NXPH2: variants seen among roughly 807,000 people sequenced by gnomAD.
NXPH2 encodes the protein neurexophilin 2.
A neutral mutation model predicts 19.8 loss-of-function variants in NXPH2; 5 were observed. That is an observed-to-expected ratio of 0.25 (90% CI 0.13 to 0.53). NXPH2 has a LOEUF of 0.53. Among genes scored for constraint, NXPH2 ranks in the 20% least tolerant of loss-of-function variants. The pLI is 0.96. For missense variants in NXPH2, 289 were observed against 322.8 expected, an observed-to-expected ratio of 0.90 and a Z score of 0.80; for synonymous variants, 154 against 127.4, an observed-to-expected ratio of 1.21 and a Z score of -1.41.
chr2:138,732,395 A>G (rs1405216699), intron 1 of NXPH2, among the ~76,000 whole-genome samples: 3 of 152,174 alleles, frequency 2.0e-5, no homozygotes, highest in Non-Finnish European at 4.4e-5. Flanking sequence ...AGGCACCAGC[A>G]TGGTTAGGTA....
intron 1 of NXPH2, among the ~76,000 whole-genome samples, chr2:138,682,788 T>C (rs1318634652): frequency 6.6e-6 from 1 of 152,220 alleles, no homozygotes; most frequent in Non-Finnish European, 1.5e-5. Context: ...AGGTTAAATA[T>C]GGCAATTCTT....
At chr2:138,687,647 T>G (rs1680681819) in intron 1 of NXPH2, among the ~76,000 whole-genome samples, 1 of 152,228 alleles carries the variant, frequency 6.6e-6, no homozygotes, top group South Asian at 2.1e-4. Flanking sequence ...ACTCTAGGTT[T>G]TCTTATAGGG....
At chr2:138,765,986 A>G (rs1682083225) in intron 1 of NXPH2, among the ~76,000 whole-genome samples, 1 of 152,252 alleles carries the variant, frequency 6.6e-6, no homozygotes, top group African/African-American at 2.4e-5. Flanking sequence ...GCCAGCCCTA[A>G]CAACTGATAA....
intron 1 of NXPH2, among the ~76,000 whole-genome samples, chr2:138,694,968 C>T (rs1227535575): frequency 6.6e-6 from 1 of 152,148 alleles, no homozygotes; most frequent in Non-Finnish European, 1.5e-5. Context: ...TATGTAGTAA[C>T]TGTTGCTGTA....
intron 1 of NXPH2, among the ~76,000 whole-genome samples, chr2:138,776,272 G>A (rs566123571): frequency 2.0e-5 from 3 of 151,842 alleles, no homozygotes; most frequent in Non-Finnish European, 4.4e-5. Context: ...GCCTTATTTA[G>A]CATTACAATT....
At chr2:138,693,768 A>G (rs1029674672) in intron 1 of NXPH2, among the ~76,000 whole-genome samples, 2 of 152,154 alleles carry the variant, frequency 1.3e-5, no homozygotes, top group African/African-American at 4.8e-5. Flanking sequence ...AGTTCTAACC[A>G]TGAGGACTGC....
At chr2:138,762,878 C>A (rs1396575694) in intron 1 of NXPH2, among the ~76,000 whole-genome samples, 2 of 152,192 alleles carry the variant, frequency 1.3e-5, no homozygotes, top group Non-Finnish European at 2.9e-5. Context: ...ACAGACCAAG[C>A]TTGGCTCCTT....
At chr2:138,723,481 T>A in intron 1 of NXPH2, among the ~76,000 whole-genome samples, 1 of 152,206 alleles carries the variant, frequency 6.6e-6, no homozygotes. Context: ...GAAGTTTTTA[T>A]GTTAAGCCAA....
intron 1 of NXPH2, among the ~76,000 whole-genome samples, chr2:138,758,354 A>G (rs1383307406): frequency 2.6e-5 from 4 of 152,146 alleles, no homozygotes; most frequent in African/African-American, 4.8e-5. Flanking sequence ...TCTTGAGAAA[A>G]TTCTGCAGAA....
chr2:138,693,205 C>A (rs1269061308), intron 1 of NXPH2, among the ~76,000 whole-genome samples: 1 of 152,124 alleles, frequency 6.6e-6, no homozygotes, highest in Non-Finnish European at 1.5e-5. Context: ...TTGTCAGTTA[C>A]AAGAAAGCTA....
intron 1 of NXPH2, among the ~76,000 whole-genome samples, chr2:138,681,453 T>C (rs559405780): frequency 6.6e-6 from 1 of 152,366 alleles, no homozygotes; most frequent in Non-Finnish European, 1.5e-5. Flanking sequence ...ACTGGTTTAA[T>C]ATGAAGCACT....
chr2:138,757,795 G>T (rs1681936836), intron 1 of NXPH2, among the ~76,000 whole-genome samples: 1 of 149,204 alleles, frequency 6.7e-6, no homozygotes, highest in African/African-American at 2.5e-5. Flanking sequence ...GTGTATGTAT[G>T]TATATGTGTG....
At chr2:138,768,855 T>A (rs116129120) in intron 1 of NXPH2, among the ~76,000 whole-genome samples, 1 of 152,206 alleles carries the variant, frequency 6.6e-6, no homozygotes, top group African/African-American at 2.4e-5. Context: ...CATTATTTTA[T>A]AAGGAAAGAA....
chr2:138,716,320 T>G (rs1681194394), intron 1 of NXPH2, among the ~76,000 whole-genome samples: 1 of 152,204 alleles, frequency 6.6e-6, no homozygotes, highest in African/African-American at 2.4e-5. Context: ...AAACTAGGTT[T>G]AGATGGGAGC....
intron 1 of NXPH2, among the ~76,000 whole-genome samples, chr2:138,758,524 A>G (rs1681950555): frequency 6.6e-6 from 1 of 152,214 alleles, no homozygotes; most frequent in Non-Finnish European, 1.5e-5. Flanking sequence ...CTCCCAAGCC[A>G]GTGTTCCACT....
chr2:138,753,426 A>G (rs766913542), intron 1 of NXPH2, among the ~76,000 whole-genome samples: 11 of 152,060 alleles, frequency 7.2e-5, no homozygotes, highest in Non-Finnish European at 1.5e-4. Context: ...CCCAGGTTCT[A>G]GAATCAGTCA....
chr2:138,716,040 G>A (rs1056571343), intron 1 of NXPH2, among the ~76,000 whole-genome samples: 1 of 152,104 alleles, frequency 6.6e-6, no homozygotes, highest in Non-Finnish European at 1.5e-5. Context: ...TTTGTACTTG[G>A]AGTTTCTTTG....
chr2:138,698,534 G>T lies in NXPH2; in HGVS notation c.52-26869C>A, dbSNP rs1390924132. 2.0e-5 allele frequency among the ~76,000 whole-genome samples: 3 copies of T among 152,096 alleles called. No homozygotes were observed. In the East Asian group the frequency reaches 5.8e-4, roughly 29 times the overall value. On this transcript the variant is annotated intron_variant, in intron 1 of 1. Coordinates refer to ENST00000272641, the MANE Select transcript of NXPH2 (RefSeq NM_007226.3). ...AACTAAAATATTCCCAGATGAAGGT[G>T]AACAGATTCAGGTAACTTGCTATTT...
intron 1 of NXPH2, among the ~76,000 whole-genome samples, chr2:138,680,216 G>A (rs1462135070): frequency 6.6e-6 from 1 of 152,184 alleles, no homozygotes; most frequent in African/African-American, 2.4e-5. Context: ...CCCTCTCTGA[G>A]CTTGGTTTTC....
Sources: gnomAD v4.1 joint callset for allele counts (sites outside exome capture counted in the v4.1 genomes callset) on GRCh38, gnomAD v4.1.1 for gene constraint, MANE v1.5 for transcripts, NCBI Gene and HGNC (gene_info 2026-07-23, HGNC 2026-07-21) for gene names.